Variants in CHL1 observed in about 807,000 individuals in gnomAD.
CHL1 encodes neural cell adhesion molecule L1-like protein.
Under a neutral mutation model 141.9 loss-of-function variants are expected in CHL1, and 96 were observed. The observed-to-expected ratio is 0.68, with a 90% CI of 0.57 to 0.80. CHL1 has a LOEUF of 0.80. Ranked by LOEUF, CHL1 falls within the 30% of genes least tolerant of loss-of-function variation. The pLI is 0.00. For synonymous variants in CHL1, 613 were observed against 502.2 expected (o/e 1.22, Z -2.95); for missense variants, 1,820 against 1,457.2 (o/e 1.25, Z -4.05).
intron 24 of CHL1, among the ~76,000 whole-genome samples, chr3:396,765 C>G (rs1708706956): frequency 6.6e-6 from 1 of 152,082 alleles, no homozygotes; most frequent in South Asian, 2.1e-4. Context: ...CGAGTTGACA[C>G]TGATTTCTAT....
intron 1 of CHL1, among the ~76,000 whole-genome samples, chr3:232,161 T>C (rs535396986): frequency 6.6e-6 from 1 of 152,304 alleles, no homozygotes; most frequent in South Asian, 2.1e-4. Flanking sequence ...ATTACTGACC[T>C]CACTGTGAGG....
Position 304,942 on chromosome 3 carries a change from G to C in CHL1, c.-94-14741G>C, listed in dbSNP as rs550216678. 2.2e-4 allele frequency among the ~76,000 whole-genome samples: 33 copies of C among 152,142 alleles called. No homozygotes were observed. The South Asian group carries it at 6.4e-3, about 30-fold the overall frequency. ...AAGAAGACACTCCTTAAATGACTTG[G>C]TGGGAGCTTTTATTTTATCAATTTC... On this transcript the variant is annotated intron_variant, in intron 2 of 27. Transcript: ENST00000256509.
Position 328,211 on chromosome 3 carries a change from A to G in CHL1, c.242A>G (p.His81Arg), listed in dbSNP as rs759002142. 1.9e-6 allele frequency: 3 copies of G among 1,609,760 alleles called. No homozygotes were observed. The highest frequency in any genetic ancestry group is 1.3e-5 in the African/African-American group (1 of 74,714). ...KDGNPFYFTD[H>R]RIIPSNNSGT... Reference sequence around the variant, plus strand: ...GGCAACCCTTTTTATTTCACTGACCATCGGATAATTCCATCGAACAATTCA... The same window carrying G: ...GGCAACCCTTTTTATTTCACTGACCGTCGGATAATTCCATCGAACAATTCA... The change falls in exon 5 of 28, where the codon CAT becomes CGT. Residue 81 changes from histidine (H) to arginine (R), a missense_variant. Physicochemically the swap from His to Arg is conservative, Grantham distance 29 (BLOSUM62 0). Coordinates refer to ENST00000256509, the MANE Select transcript of CHL1 (RefSeq NM_006614.4).
At position 340,984 on chromosome 3, in the gene CHL1, A is replaced by G. The variant is rs1702303300; in HGVS notation, c.508+68A>G. Reference sequence around the variant, plus strand: ...TTCTATCCATCATATCAATAACATAATGAATCCAAAGACAAAATAAAAAAT... The same window carrying G: ...TTCTATCCATCATATCAATAACATAGTGAATCCAAAGACAAAATAAAAAAT... On this transcript the variant is annotated intron_variant, in intron 6 of 27. Transcript: ENST00000256509. 1.6e-5 allele frequency: 24 copies of G among 1,460,898 alleles called. No individual in the cohort carries two copies. The South Asian group carries it at 2.7e-4, about 17-fold the overall frequency. 90.5% of individuals were successfully genotyped at this position (1,460,898 alleles called of 1,614,324 possible). A position where few individuals can be genotyped will look rare whatever the true frequency, so the allele number is the denominator to read the frequency against.
chr3:375,718 T>C (rs1706230296), intron 15 of CHL1, among the ~76,000 whole-genome samples: 1 of 152,268 alleles, frequency 6.6e-6, no homozygotes, highest in African/African-American at 2.4e-5. Flanking sequence ...TCACTTTATG[T>C]GCTTTACCTC....
chr3:383,191 T>C (rs1019769455), intron 18 of CHL1, among the ~76,000 whole-genome samples: 2 of 152,196 alleles, frequency 1.3e-5, no homozygotes, highest in Non-Finnish European at 2.9e-5. Context: ...ATAATTTCCT[T>C]TTTGGACTGA....
intron 15 of CHL1, among the ~76,000 whole-genome samples, chr3:376,566 T>A (rs2125358554): frequency 6.6e-6 from 1 of 152,354 alleles, no homozygotes; most frequent in East Asian, 1.9e-4. Flanking sequence ...GGTAGCTTTC[T>A]TCTCTGGCCT....
At chr3:298,995 C>G (rs986773642) in intron 2 of CHL1, among the ~76,000 whole-genome samples, 3 of 152,068 alleles carry the variant, frequency 2.0e-5, no homozygotes, top group African/African-American at 7.2e-5. Flanking sequence ...CTGGTTGAAT[C>G]TTATTTGGAT....
intron 1 of CHL1, among the ~76,000 whole-genome samples, chr3:223,832 G>C (rs568463573): frequency 2.0e-5 from 3 of 152,162 alleles, no homozygotes; most frequent in African/African-American, 7.2e-5. Context: ...GGTTGGGGCA[G>C]GGATGAAATC....
At chr3:254,581 G>A (rs1374417372) in intron 2 of CHL1, among the ~76,000 whole-genome samples, 1 of 152,134 alleles carries the variant, frequency 6.6e-6, no homozygotes, top group Non-Finnish European at 1.5e-5. Context: ...CACGTATCTT[G>A]GTGCTTTTGT....
chr3:216,510 C>G (rs1700334110), intron 1 of CHL1, among the ~76,000 whole-genome samples: 1 of 152,096 alleles, frequency 6.6e-6, no homozygotes, highest in Non-Finnish European at 1.5e-5. Flanking sequence ...GCCTTTGAAC[C>G]CTAGGAGAGT....
At chr3:241,414 C>A (rs1692545135) in intron 1 of CHL1, among the ~76,000 whole-genome samples, 1 of 152,178 alleles carries the variant, frequency 6.6e-6, no homozygotes, top group Non-Finnish European at 1.5e-5. Context: ...TTCAGAGTCA[C>A]AACATGCTCA....
chr3:408,349 G>C lies in CHL1; in HGVS notation c.*2638G>C, dbSNP rs1709660451. The C allele has an allele frequency of 6.6e-6, 1 of 152,048 alleles. No homozygotes were observed. Among genetic ancestry groups the C allele is most frequent in the African/African-American group, 2.4e-5 (1 of 41,418 alleles). The allele number at this position is 152,048 out of a possible 1,614,324, so 9.4% of individuals were successfully genotyped here. On this transcript the variant is annotated 3_prime_UTR_variant, in exon 28 of 28. Coordinates refer to ENST00000256509, the MANE Select transcript of CHL1 (RefSeq NM_006614.4). ...AATGGTTGGTGGGCATGAGTTCCTA[G>C]AGAACTGTCCAAGGGTTGGGAAAAT...
At chr3:403,031 A>G (rs1346284868) in intron 27 of CHL1, among the ~76,000 whole-genome samples, 2 of 152,150 alleles carry the variant, frequency 1.3e-5, no homozygotes, top group Admixed American at 6.5e-5. Flanking sequence ...CAAGGTTTTG[A>G]CCAGGGCTAT....
chr3:382,230 G>C lies in CHL1; in HGVS notation c.1928G>C (p.Ser643Thr), dbSNP rs1464894650. 1 of 1,613,852 alleles carries C rather than the reference G, an allele frequency of 6.2e-7. No individual in the cohort carries two copies. Among genetic ancestry groups the C allele is most frequent in the Admixed American group, 1.7e-5 (1 of 59,992 alleles). ...CACTTGTCTGAAAGACAGAACAGGA[G>C]TGTTCGGCTGACCTGGGAAGCTGGA... Reference protein sequence around the residue: ...NLHLSERQNRSVRLTWEAGAD... With the variant: ...NLHLSERQNRTVRLTWEAGAD... The change falls in exon 17 of 28, where the codon AGT (serine) becomes ACT (threonine). Residue 643 changes from serine (S) to threonine (T), a missense_variant. By Grantham distance (58) the Ser-to-Thr change is moderately conservative (BLOSUM62 1). Transcript: ENST00000256509.
At chr3:236,681 C>T (rs973928963) in intron 1 of CHL1, among the ~76,000 whole-genome samples, 2 of 151,578 alleles carry the variant, frequency 1.3e-5, no homozygotes, top group African/African-American at 4.9e-5. Flanking sequence ...AAACATTATA[C>T]TGACATTTTC....
At chr3:337,606 A>G (rs1575104159) in intron 5 of CHL1, among the ~76,000 whole-genome samples, 1 of 150,508 alleles carries the variant, frequency 6.6e-6, no homozygotes, top group South Asian at 2.1e-4. Context: ...TATGAGTGAG[A>G]ACATGCAATG....
intron 2 of CHL1, among the ~76,000 whole-genome samples, chr3:254,265 A>T (rs1477321418): frequency 6.6e-6 from 1 of 152,022 alleles, no homozygotes; most frequent in East Asian, 1.9e-4. Flanking sequence ...GCTTCCGAAC[A>T]CCCCTTTCCC....
At chr3:233,280 T>G (rs1308991166) in intron 1 of CHL1, among the ~76,000 whole-genome samples, 1 of 152,140 alleles carries the variant, frequency 6.6e-6, no homozygotes, top group East Asian at 1.9e-4. Context: ...CACCTCATCT[T>G]CAGCCTCCAA....
Sources: gnomAD v4.1 joint callset for allele counts (sites outside exome capture counted in the v4.1 genomes callset) on GRCh38, gnomAD v4.1.1 for gene constraint, MANE v1.5 for transcripts, NCBI Gene and HGNC (gene_info 2026-07-23, HGNC 2026-07-21) for gene names.